The following BCAS1 variants were observed in gnomAD, a reference collection of about 807,000 sequenced individuals.
The protein encoded by BCAS1 is brain enriched myelin associated protein 1, also known as breast carcinoma-amplified sequence 1.
Under a neutral mutation model 65.4 loss-of-function variants are expected in BCAS1, and 46 were observed. The observed-to-expected ratio is 0.70, with a 90% CI of 0.55 to 0.90. The LOEUF (loss-of-function observed/expected upper bound fraction) is 0.90. Among genes scored for constraint, BCAS1 ranks in the 40% least tolerant of loss-of-function variants. The probability of loss-of-function intolerance (pLI) is 0.00; values close to 1 mark genes in which losing one functional copy is unlikely to be tolerated. For missense variants in BCAS1, 793 were observed against 771.2 expected (o/e 1.03, Z -0.33); for synonymous variants, 298 against 293.5 (o/e 1.02, Z -0.16).
At chr20:54,032,877 G>A (rs967318509) in intron 3 of BCAS1, among the ~76,000 whole-genome samples, 2 of 150,970 alleles carry the variant, frequency 1.3e-5, no homozygotes, top group Admixed American at 1.3e-4. Context: ...ATAGTAGTGG[G>A]AGACTTTAAT....
chr20:54,024,376 T>C (rs1016293446), intron 4 of BCAS1, among the ~76,000 whole-genome samples: 2 of 152,212 alleles, frequency 1.3e-5, no homozygotes, highest in Admixed American at 1.3e-4. Flanking sequence ...GTTTTTGTCA[T>C]TGTTAGGCGA....
At chr20:53,973,623 A>G (rs942276695) in intron 9 of BCAS1, among the ~76,000 whole-genome samples, 5 of 152,338 alleles carry the variant, frequency 3.3e-5, no homozygotes, top group African/African-American at 1.2e-4. Flanking sequence ...AACAGATGCT[A>G]CAGATTTTAC....
intron 4 of BCAS1, 78 bp downstream of exon 4, chr20:54,028,314 A>T: frequency 1.4e-6 from 2 of 1,477,866 alleles, no homozygotes; most frequent in Non-Finnish European, 1.9e-6. Flanking sequence ...GGGTGACTGC[A>T]TATGTGCAGT....
chr20:53,971,653 C>T (rs769211616), intron 9 of BCAS1, among the ~76,000 whole-genome samples: 10 of 152,136 alleles, frequency 6.6e-5, no homozygotes, highest in Non-Finnish European at 1.0e-4. Flanking sequence ...CCAAGGAGAG[C>T]CCTGAATTAA....
chr20:54,005,950 A>G (rs1044354148), intron 4 of BCAS1, among the ~76,000 whole-genome samples: 1 of 152,160 alleles, frequency 6.6e-6, no homozygotes, highest in Non-Finnish European at 1.5e-5. Flanking sequence ...GAAAAGCAAG[A>G]TGGTTATAAC....
chr20:54,008,692 A>G (rs1180637632), intron 4 of BCAS1, among the ~76,000 whole-genome samples: 1 of 152,072 alleles, frequency 6.6e-6, no homozygotes, highest in Admixed American at 6.5e-5. Flanking sequence ...TCAATTGAAG[A>G]TAACTTGTCA....
At position 53,995,892 on chromosome 20, in the gene BCAS1, C is replaced by T. The variant is rs141367561; in HGVS notation, c.882G>A (p.Leu294=). 2.5e-6 allele frequency: 4 copies of T among 1,594,652 alleles called. No homozygotes were observed. The highest frequency in any genetic ancestry group is 2.3e-5 in the South Asian group (2 of 87,894). The stretch of plus-strand genomic sequence containing the variant: ...GGGAAAAGAGGAGAAAACTGCTTAC[C>T]AGAGTTTTAAAGAAACTCATGATGG... ...NNSIMSFFKT[L]VSPNKAETKK... is the part of the protein sequence containing the mutation. The change falls in exon 5 of 13, where the codon CTG becomes CTA. Residue 294 remains leucine (L), a splice_region_variant and synonymous_variant. Coordinates refer to ENST00000688948, the MANE Select transcript of BCAS1 (RefSeq NM_001366298.2).
intron 1 of BCAS1, among the ~76,000 whole-genome samples, chr20:54,061,069 T>C (rs6127075): frequency 0.14 from 21,137 of 152,246 alleles, 1,942 homozygotes; most frequent in East Asian, 0.32. Flanking sequence ...GCTCTAATTT[T>C]GGAGTGCTTC....
chr20:54,016,863 T>C (rs1413055613), intron 4 of BCAS1, among the ~76,000 whole-genome samples: 1 of 152,176 alleles, frequency 6.6e-6, no homozygotes, highest in Admixed American at 6.5e-5. Context: ...CTTATACTAA[T>C]TGAACCAAGC....
At chr20:53,986,048 G>A (rs1484518969) in intron 7 of BCAS1, among the ~76,000 whole-genome samples, 1 of 152,200 alleles carries the variant, frequency 6.6e-6, no homozygotes, top group African/African-American at 2.4e-5. Context: ...CAACTAGGCT[G>A]GAACTTGGTG....
chr20:54,018,860 G>A (rs1296228045), intron 4 of BCAS1, among the ~76,000 whole-genome samples: 2 of 152,210 alleles, frequency 1.3e-5, no homozygotes, highest in South Asian at 4.1e-4. Context: ...GCGCTGCTGG[G>A]AATCATTTGG....
At chr20:54,002,908 A>C (rs1007346046) in intron 4 of BCAS1, among the ~76,000 whole-genome samples, 1 of 152,208 alleles carries the variant, frequency 6.6e-6, no homozygotes, top group African/African-American at 2.4e-5. Context: ...ATAATTGATT[A>C]ATTGCCAGTA....
chr20:54,054,257 G>A (rs527691684), intron 3 of BCAS1, among the ~76,000 whole-genome samples: 1 of 152,232 alleles, frequency 6.6e-6, no homozygotes, highest in African/African-American at 2.4e-5. Context: ...GAGCCAAACC[G>A]TATCACCAAT....
intron 8 of BCAS1, among the ~76,000 whole-genome samples, chr20:53,983,930 T>G (rs372550317): frequency 2.0e-5 from 3 of 152,190 alleles, no homozygotes; most frequent in East Asian, 1.9e-4. Context: ...ATAAATCTCT[T>G]GCACGTCAAT....
intron 4 of BCAS1, among the ~76,000 whole-genome samples, chr20:54,014,797 C>T (rs2091398164): frequency 2.0e-5 from 3 of 152,228 alleles, no homozygotes; most frequent in African/African-American, 4.8e-5. Flanking sequence ...ACAGAGGGTT[C>T]GATTTGCTGG....
At chr20:54,028,178 A>C (rs2090440956) in intron 4 of BCAS1, 8 of 590,668 alleles carry the variant, frequency 1.4e-5, no homozygotes, top group African/African-American at 1.3e-4. Flanking sequence ...TACATAAAAC[A>C]GATGCCACAG....
intron 11 of BCAS1, 143 bp from the exon 12 acceptor site, chr20:53,953,838 A>G (rs2089610267): frequency 9.8e-7 from 1 of 1,025,636 alleles, no homozygotes; most frequent in African/African-American, 1.6e-5. Flanking sequence ...TGAATATAAA[A>G]AAAGGTAAAA....
chr20:53,995,165 G>C (rs749700333), intron 5 of BCAS1, 109 bp from the exon 6 acceptor site: 2 of 871,868 alleles, frequency 2.3e-6, no homozygotes, highest in Non-Finnish European at 3.6e-6. Flanking sequence ...TACAGGTCAA[G>C]AATAAAATGA....
At chr20:53,946,208 T>C (rs1004053329) in intron 12 of BCAS1, among the ~76,000 whole-genome samples, 1 of 152,052 alleles carries the variant, frequency 6.6e-6, no homozygotes, top group Non-Finnish European at 1.5e-5. Flanking sequence ...ACCATCCAAA[T>C]CAACATGTCA....
Sources: allele counts gnomAD v4.1 joint callset (sites outside exome capture counted in the v4.1 genomes callset), GRCh38; gene constraint gnomAD v4.1.1; transcripts MANE v1.5; gene names NCBI Gene and HGNC (gene_info 2026-07-23, HGNC 2026-07-21).